The following PC variants were observed in gnomAD, a reference collection of about 807,000 sequenced individuals.
The protein encoded by PC is pyruvate carboxylase, mitochondrial.
Under a neutral mutation model 107.8 loss-of-function variants are expected in PC, and 46 were observed. The ratio of observed to expected loss-of-function variants is 0.43; its 90% CI spans 0.34 to 0.55. PC has a LOEUF of 0.55. Ranked by LOEUF, PC falls within the 20% of genes least tolerant of loss-of-function variation. PC has a pLI of 0.04. For synonymous variants in PC, 662 were observed against 684.7 expected, an observed-to-expected ratio of 0.97 and a Z score of 0.52; for missense variants, 1,241 against 1,643.1, an observed-to-expected ratio of 0.76 and a Z score of 4.23.
At chr11:66,940,176 G>C (rs1002039447) in intron 3 of PC, among the ~76,000 whole-genome samples, 6 of 149,344 alleles carry the variant, frequency 4.0e-5, no homozygotes, top group Non-Finnish European at 8.9e-5. Context: ...TTAATATCGA[G>C]AATACATAGA....
At chr11:66,888,684 G>C (rs371867849) in intron 3 of PC, among the ~76,000 whole-genome samples, 1 of 152,270 alleles carries the variant, frequency 6.6e-6, no homozygotes, top group Non-Finnish European at 1.5e-5. Flanking sequence ...CGCACAACTT[G>C]TCTGGGGATG....
intron 16 of PC, 60 bp from the exon 17 acceptor site, chr11:66,851,340 C>T: frequency 6.3e-7 from 1 of 1,597,680 alleles, no homozygotes; most frequent in Non-Finnish European, 8.5e-7. Flanking sequence ...AACAGTCTTC[C>T]CTGGCTCCTT....
chr11:66,884,657 A>G (rs1947298079), intron 3 of PC, among the ~76,000 whole-genome samples: 1 of 152,138 alleles, frequency 6.6e-6, no homozygotes, highest in South Asian at 2.1e-4. Context: ...TGTGCCCCCC[A>G]CACCCATATG....
chr11:66,940,518 T>C (rs1292877489), intron 3 of PC, among the ~76,000 whole-genome samples: 2 of 150,600 alleles, frequency 1.3e-5, no homozygotes, highest in African/African-American at 4.9e-5. Context: ...TGAAACGCTG[T>C]CTCCACAAAA....
At chr11:66,894,045 T>C (rs1356467025) in intron 3 of PC, among the ~76,000 whole-genome samples, 3 of 151,906 alleles carry the variant, frequency 2.0e-5, no homozygotes, top group Non-Finnish European at 4.4e-5. Context: ...TTAACTATCG[T>C]AAAAACCTCC....
At chr11:66,891,377 G>C (rs1285716004) in intron 3 of PC, among the ~76,000 whole-genome samples, 1 of 147,378 alleles carries the variant, frequency 6.8e-6, no homozygotes, top group Non-Finnish European at 1.5e-5. Flanking sequence ...AAGTTTTTTT[G>C]TTTTTTGTTT....
intron 3 of PC, among the ~76,000 whole-genome samples, chr11:66,922,780 G>A (rs1046468926): frequency 3.9e-5 from 6 of 152,152 alleles, no homozygotes; most frequent in Non-Finnish European, 8.8e-5. Flanking sequence ...CTGCATCACT[G>A]AGATGGCTCA....
chr11:66,901,634 C>A (rs918052822), intron 3 of PC, among the ~76,000 whole-genome samples: 1 of 152,106 alleles, frequency 6.6e-6, no homozygotes, highest in Non-Finnish European at 1.5e-5. Context: ...CCATGCCTGG[C>A]TAATTTTTTT....
Position 66,852,900 on chromosome 11 carries a change from G to T in PC, c.1514-64C>A, listed in dbSNP as rs557606807. On this transcript the variant is annotated intron_variant, in intron 13 of 22. Transcript: ENST00000393960. This position sits in a 1 kb window ranked among gnomAD's most constrained non-coding sequence, Gnocchi z 4.7. ...CAGAGGCTGAGTCGAGGGCAGCAGT[G>T]AGAGTGGCTGGGCTCAGGGACAGGG... The T allele has an allele frequency of 1.6e-6, 2 of 1,232,796 alleles. No individual in the cohort carries two copies. The highest frequency in any genetic ancestry group is 2.2e-5 in the Admixed American group (1 of 45,520). 76.4% of individuals were successfully genotyped at this position (1,232,796 alleles called of 1,614,324 possible).
At chr11:66,899,069 C>T (rs959072641) in intron 3 of PC, among the ~76,000 whole-genome samples, 2 of 152,084 alleles carry the variant, frequency 1.3e-5, no homozygotes, top group Non-Finnish European at 1.5e-5. Context: ...GGGGTTTCTC[C>T]ATATTGGTCA....
chr11:66,872,994 G>A (rs996732481), intron 3 of PC, among the ~76,000 whole-genome samples: 5 of 142,622 alleles, frequency 3.5e-5, no homozygotes, highest in East Asian at 2.1e-4. Context: ...CTGAGATTGC[G>A]CCACTGCCCT....
At chr11:66,943,612 G>A (rs535371868) in intron 3 of PC, among the ~76,000 whole-genome samples, 6 of 151,178 alleles carry the variant, frequency 4.0e-5, no homozygotes, top group Non-Finnish European at 7.4e-5. Context: ...TTTGCCGGGC[G>A]TGGTGGCAGG....
At chr11:66,934,633 G>GTT (rs1380670679) in intron 3 of PC, 2 of 152,900 alleles carry the variant, frequency 1.3e-5, no homozygotes, top group East Asian at 3.9e-4. Flanking sequence ...CCCTATGTGT[G>GTT]TTTTGTTTTT....
chr11:66,929,512 G>T (rs994206477), intron 3 of PC, among the ~76,000 whole-genome samples: 1 of 152,062 alleles, frequency 6.6e-6, no homozygotes, highest in Non-Finnish European at 1.5e-5. Context: ...GACCACAGGT[G>T]TATGCCACCA....
chr11:66,917,563 G>A lies in PC; in HGVS notation c.-1+34867C>T, dbSNP rs142175226. ...CTCCAAGGAAAACTAGAACCAGGCC[G>A]GGAGGACTGATGCTATTCTGAAGGC... On this transcript the variant is annotated intron_variant, in intron 3 of 22. Coordinates refer to ENST00000393960, the MANE Select transcript of PC (RefSeq NM_001040716.2). Among the ~76,000 whole-genome samples, 6 of 152,262 alleles carry A rather than the reference G, an allele frequency of 3.9e-5. No individual in the cohort carries two copies. In the East Asian group the frequency reaches 7.7e-4, roughly 20 times the overall value.
rs1010155626 is a variant in PC, at chr11:66,863,502, C to T, written c.1368+272G>A. Among the ~76,000 whole-genome samples, 7 of 152,168 alleles carry T rather than the reference C, an allele frequency of 4.6e-5. No homozygotes were observed. In the South Asian group the frequency reaches 1.4e-3, roughly 32 times the overall value. On this transcript the variant is annotated intron_variant, in intron 12 of 22. Transcript: ENST00000393960. ...GGGCGGGACACAGCGTGGGTCTCCC[C>T]GGAACAAGACTAGACAGGAGGCATG... is the stretch of plus-strand genomic sequence containing the variant.
chr11:66,865,267 C>G (rs1946443314), intron 11 of PC, among the ~76,000 whole-genome samples: 1 of 152,242 alleles, frequency 6.6e-6, no homozygotes, highest in Non-Finnish European at 1.5e-5. Context: ...AGAGCCTGGC[C>G]CAAACTCATG....
chr11:66,939,731 G>C (rs1392812420), intron 3 of PC, among the ~76,000 whole-genome samples: 2 of 145,850 alleles, frequency 1.4e-5, no homozygotes, highest in Non-Finnish European at 1.5e-5. Flanking sequence ...TTGAACCCGG[G>C]AGGCAGAGGT....
Position 66,871,234 on chromosome 11 carries a change from G to A in PC, c.488-37C>T, listed in dbSNP as rs200006331. ...AAGGTGTGGGGGAGTCTCTGTAACA[G>A]GCGGGAATCCCTGCCACCCCTCCCT... is the stretch of plus-strand genomic sequence containing the variant. On this transcript the variant is annotated intron_variant, in intron 6 of 22. Coordinates refer to ENST00000393960, the MANE Select transcript of PC (RefSeq NM_001040716.2). The surrounding 1 kb of genome is among the most constrained non-coding windows in gnomAD (Gnocchi z 7.4). 2.4e-5 allele frequency: 38 copies of A among 1,613,476 alleles called. No homozygotes were observed. In the African/African-American group the frequency reaches 4.4e-4, roughly 19 times the overall value.
Sources: allele counts gnomAD v4.1 joint callset (sites outside exome capture counted in the v4.1 genomes callset), GRCh38; gene constraint gnomAD v4.1.1; non-coding constraint Gnocchi (gnomAD v3.1); transcripts MANE v1.5; gene names NCBI Gene and HGNC (gene_info 2026-07-23, HGNC 2026-07-21).